The following KAZN variants were observed in gnomAD, a reference collection of about 807,000 sequenced individuals.
KAZN encodes kazrin.
A neutral mutation model predicts 87.4 loss-of-function variants in KAZN; 40 were observed. That is an observed-to-expected ratio of 0.46 (90% CI 0.36 to 0.60). The LOEUF is 0.60. KAZN is among the 20% of genes least tolerant of loss of function. The pLI is 0.00. For synonymous variants in KAZN, 466 were observed against 458.3 expected, an observed-to-expected ratio of 1.02 and a Z score of -0.22; for missense variants, 898 against 1,073.9, an observed-to-expected ratio of 0.84 and a Z score of 2.29.
At position 15,112,483 on chromosome 1, in the gene KAZN, G is replaced by A. The variant is rs1479930523; in HGVS notation, c.2105G>A (p.Ser702Asn). The change falls in exon 14 of 15, where the codon AGC becomes AAC. Residue 702 changes from serine to asparagine, a missense_variant. By Grantham distance (46) the Ser-to-Asn change is conservative. Around this residue, in one of 3 missense-constraint regions of KAZN, gnomAD observed 127 missense variants for 121.5 expected, o/e 1.04. Transcript: ENST00000376030. ...RFGTPPGRAS[S>N]VTRAGKEENS... ...GGAACGCCCCCTGGCAGGGCCTCCA[G>A]CGTCACGCGGGCAGGAAAGGAGGAG... 6.2e-7 allele frequency: 1 copy of A among 1,606,158 alleles called. No individual in the cohort carries two copies. The highest frequency in any genetic ancestry group is 8.5e-7 in the Non-Finnish European group (1 of 1,177,286).
intron 1 of KAZN, among the ~76,000 whole-genome samples, chr1:14,936,348 G>A (rs761387909): frequency 3.9e-5 from 6 of 152,272 alleles, no homozygotes; most frequent in Admixed American, 6.5e-5. Flanking sequence ...TGGTATCATC[G>A]GTTGGTAGCT....
rs146915416 is a variant in KAZN, at chr1:14,566,024, T to C, written c.250-32959T>C. On this transcript the variant is annotated intron_variant, in intron 2 of 16. Coordinates refer to the KAZN transcript ENST00000636203. ...TCCCATGAATTACAAATGTTCTTAA[T>C]GACATCTAGCATAGTGATTCCTTTC... is the stretch of plus-strand genomic sequence containing the variant. 5.8e-3 allele frequency among the ~76,000 whole-genome samples: 890 copies of C among 152,368 alleles called. 15 individuals are homozygous for C. The highest frequency in any genetic ancestry group is 0.021 in the African/African-American group (859 of 41,596).
At position 15,081,124 on chromosome 1, in the gene KAZN, G is replaced by A. The variant is rs1437989892; in HGVS notation, c.1223-13056G>A. Among the ~76,000 whole-genome samples the A allele has an allele frequency of 6.6e-6, 1 of 152,212 alleles. No individual in the cohort carries two copies. Among genetic ancestry groups the A allele is most frequent in the Non-Finnish European group, 1.5e-5 (1 of 68,048 alleles). ...GGCAGAAGATGAGACCACAGAGGAA[G>A]GCCTGCTCCCTCCCTCCCTCCGTTC... is the stretch of plus-strand genomic sequence containing the variant. On this transcript the variant is annotated intron_variant, in intron 8 of 14. Transcript: ENST00000376030. The surrounding 1 kb of genome is among the most constrained non-coding windows in gnomAD (Gnocchi z 4.1).
At chr1:14,370,685 T>A (rs1335192607) in intron 2 of KAZN, among the ~76,000 whole-genome samples, 1 of 152,166 alleles carries the variant, frequency 6.6e-6, no homozygotes, top group African/African-American at 2.4e-5. Context: ...AGTTAATTTG[T>A]ATCTTCTCTT....
intron 1 of KAZN, among the ~76,000 whole-genome samples, chr1:14,634,581 G>A (rs956182692): frequency 3.3e-5 from 5 of 152,058 alleles, no homozygotes; most frequent in African/African-American, 1.2e-4. Flanking sequence ...GGGAGTTCTC[G>A]GCCACGTTCT....
rs751942105 is a variant in KAZN at position 14,598,960 on chromosome 1, T to C, written c.-38T>C. ...GCGCCCCCCGCGCATCATGCAGCTC[T>C]TTGTCACCTCTCTCGCCCCCAGGCC... is the stretch of plus-strand genomic sequence containing the variant. On this transcript the variant is annotated 5_prime_UTR_variant, in exon 1 of 15. Transcript: ENST00000376030. This position sits in a 1 kb window ranked among gnomAD's most constrained non-coding sequence, Gnocchi z 4.2. 2 of 1,561,108 alleles carry C rather than the reference T, an allele frequency of 1.3e-6. No homozygotes were observed. The highest frequency in any genetic ancestry group is 2.3e-5 in the South Asian group (2 of 85,314).
At chr1:13,928,636 G>A (rs78534761) in intron 1 of KAZN, among the ~76,000 whole-genome samples, 1 of 152,128 alleles carries the variant, frequency 6.6e-6, no homozygotes, top group Non-Finnish European at 1.5e-5. Context: ...TTCAGGACAT[G>A]ATTTTTGTCC....
intron 2 of KAZN, among the ~76,000 whole-genome samples, chr1:14,213,789 C>T (rs904857262): frequency 1.3e-5 from 2 of 152,082 alleles, no homozygotes; most frequent in Non-Finnish European, 2.9e-5. Context: ...AGCAGGGGGT[C>T]TAGTTATGAG....
intron 2 of KAZN, among the ~76,000 whole-genome samples, chr1:14,336,471 T>C (rs1657280338): frequency 6.6e-6 from 1 of 152,212 alleles, no homozygotes; most frequent in African/African-American, 2.4e-5. Flanking sequence ...TTTGAGTATA[T>C]ATCTGGGAGT....
intron 2 of KAZN, among the ~76,000 whole-genome samples, chr1:14,995,404 CCTGAGGTGAGG>C (rs972167480): frequency 4.6e-5 from 7 of 152,152 alleles, no homozygotes; most frequent in African/African-American, 1.2e-4. Flanking sequence ...CGGTGGATCA[CCTGAGGTGAGG>C]AGTTCAAGAC....
At chr1:13,970,757 T>C (rs145397328) in intron 1 of KAZN, among the ~76,000 whole-genome samples, 79 of 152,342 alleles carry the variant, frequency 5.2e-4, no homozygotes, top group African/African-American at 1.9e-3. Context: ...CTTTCTCTGG[T>C]TCATACTTCT....
intron 1 of KAZN, among the ~76,000 whole-genome samples, chr1:13,903,464 A>G (rs1351451478): frequency 6.6e-6 from 1 of 152,146 alleles, no homozygotes; most frequent in Non-Finnish European, 1.5e-5. Context: ...TGTGGCTAGG[A>G]GGGAGACTCA....
At chr1:14,009,523 C>T (rs1039288642) in intron 1 of KAZN, among the ~76,000 whole-genome samples, 4 of 152,194 alleles carry the variant, frequency 2.6e-5, no homozygotes, top group African/African-American at 9.6e-5. Flanking sequence ...AGTGTGATAG[C>T]TCACTTAATT....
chr1:15,044,706 G>A lies in KAZN; in HGVS notation c.726+547G>A, dbSNP rs370338962. On this transcript the variant is annotated intron_variant, in intron 4 of 14. Transcript: ENST00000376030. ...AGTGAGCCACTGCACCCCAGCCTGG[G>A]CGACAGTGAGACCCTGTCTCAAACA... Among the ~76,000 whole-genome samples the A allele has an allele frequency of 1.9e-4, 28 of 150,074 alleles. 1 individual carries two copies. The East Asian group carries it at 3.5e-3, about 19-fold the overall frequency.
intron 10 of KAZN, among the ~76,000 whole-genome samples, chr1:15,101,195 C>CTCT (rs1573306238): frequency 3.3e-5 from 2 of 60,452 alleles, no homozygotes; most frequent in African/African-American, 4.8e-5. Context: ...TCTGCCTCTT[C>CTCT]CTCTTTGTTC....
rs1553178782 is a variant in KAZN, at chr1:15,041,341, T to TTTTTTTTTG, written c.556-2643_556-2642insTTTGTTTTT. Among the ~76,000 whole-genome samples, 589 of 146,634 alleles carry TTTTTTTTTG rather than the reference T, an allele frequency of 4.0e-3. 7 individuals are homozygous for TTTTTTTTTG. The East Asian group carries it at 0.052, about 13-fold the overall frequency. On this transcript the variant is annotated intron_variant, in intron 3 of 14. Coordinates refer to ENST00000376030, the MANE Select transcript of KAZN (RefSeq NM_201628.3). ...CTCCGCATTTTTTTTCTTTTTTTTT[T>TTTTTTTTTG]TTTTTGTTTTTTTGAGATGGAGTTT...
chr1:14,929,600 T>G (rs1659572403), intron 1 of KAZN, among the ~76,000 whole-genome samples: 1 of 152,154 alleles, frequency 6.6e-6, no homozygotes, highest in Admixed American at 6.5e-5. Flanking sequence ...TCCCAGCAGA[T>G]AAGCACACCC....
At chr1:14,431,716 C>T (rs1666081945) in intron 2 of KAZN, among the ~76,000 whole-genome samples, 2 of 152,150 alleles carry the variant, frequency 1.3e-5, no homozygotes, top group African/African-American at 4.8e-5. Context: ...GCTTCTGCTC[C>T]TGCTGCCCTT....
chr1:14,769,355 G>T lies in KAZN; in HGVS notation c.226+170132G>T, dbSNP rs1275135935. Among the ~76,000 whole-genome samples, 5 of 151,912 alleles carry T rather than the reference G, an allele frequency of 3.3e-5. No individual in the cohort carries two copies. The East Asian group carries it at 9.7e-4, about 30-fold the overall frequency. On this transcript the variant is annotated intron_variant, in intron 1 of 14. Coordinates refer to ENST00000376030, the MANE Select transcript of KAZN (RefSeq NM_201628.3). This position sits in a 1 kb window ranked among gnomAD's most constrained non-coding sequence, Gnocchi z 4.1. ...TTGGTCAGATTTTTCACCCTTGCAG[G>T]TCTTTTTTCTTTTCTTGAGACGGAG...
Sources: allele counts gnomAD v4.1 joint callset (sites outside exome capture counted in the v4.1 genomes callset), GRCh38; gene constraint gnomAD v4.1.1; regional missense constraint gnomAD v4.1.1; non-coding constraint Gnocchi (gnomAD v3.1); transcripts MANE v1.5; gene names NCBI Gene and HGNC (gene_info 2026-07-23, HGNC 2026-07-21).